Variants in PI4KA observed in about 807,000 individuals in gnomAD.
PI4KA encodes the protein PI4-kinase alpha.
Under a neutral mutation model 271.4 loss-of-function variants are expected in PI4KA, and 122 were observed. The observed-to-expected ratio is 0.45, with a 90% CI of 0.39 to 0.52. The LOEUF is 0.52. Among genes scored for constraint, PI4KA ranks in the 20% least tolerant of loss-of-function variants. The pLI is 0.00. For missense variants in PI4KA, 1,969 were observed against 2,769.1 expected (o/e 0.71, Z 6.48); for synonymous variants, 1,041 against 1,078.8 (o/e 0.96, Z 0.69).
intron 6 of PI4KA, among the ~76,000 whole-genome samples, 167 bp downstream of exon 6, chr22:20,819,474 C>T (rs1349982941): frequency 6.6e-6 from 1 of 151,928 alleles, no homozygotes; most frequent in Admixed American, 6.6e-5. Context: ...AGCCCTTCCC[C>T]CCAACATCTT....
intron 9 of PI4KA, among the ~76,000 whole-genome samples, chr22:20,810,750 T>A (rs1387085833): frequency 6.6e-6 from 1 of 152,016 alleles, no homozygotes; most frequent in Non-Finnish European, 1.5e-5. Context: ...ATGCCACCAG[T>A]CAGAGGCACC....
intron 1 of PI4KA, among the ~76,000 whole-genome samples, chr22:20,846,136 T>TG (rs1926209922): frequency 6.6e-6 from 1 of 150,416 alleles, no homozygotes; most frequent in African/African-American, 2.4e-5. Flanking sequence ...TGGTGGCGGG[T>TG]GCCTGTAGTC....
Position 20,710,009 on chromosome 22 carries a change from T to G in PI4KA, c.6084-12A>C, listed in dbSNP as rs371173329. The G allele has an allele frequency of 4.0e-5, 64 of 1,593,712 alleles. No homozygotes were observed. In the African/African-American group the frequency reaches 5.2e-4, roughly 13 times the overall value. ...CGTCCATGTAGGGCCTGGGGAGAGA[T>G]AGGAGGGAGCGGTGGGCTGAGGCCA... On this transcript the variant is annotated splice_polypyrimidine_tract_variant and intron_variant, in intron 52 of 54. Transcript: ENST00000255882.
Position 20,818,477 on chromosome 22 carries a change from G to A in PI4KA, c.856+6C>T. The A allele has an allele frequency of 6.3e-7, 1 of 1,578,900 alleles. No homozygotes were observed. On this transcript the variant is annotated splice_donor_region_variant and intron_variant, in intron 7 of 54. Transcript: ENST00000255882. ...TCAAAATATTCTTCGGAAAGGTGAAGCCCACCTTCAAAGTAGTGAAAGGCA... is the reference window on the plus strand; with the variant it reads ...TCAAAATATTCTTCGGAAAGGTGAAACCCACCTTCAAAGTAGTGAAAGGCA...
Position 20,813,302 on chromosome 22 carries a change from A to G in PI4KA, c.1005+56T>C, listed in dbSNP as rs545821230. On this transcript the variant is annotated intron_variant, in intron 8 of 54. Transcript: ENST00000255882. ...TTCTTTTAAAAATACAAGTTTCACCACTAGCAATTTTACTGACATATCCAT... is the reference window on the plus strand; with the variant it reads ...TTCTTTTAAAAATACAAGTTTCACCGCTAGCAATTTTACTGACATATCCAT... 64 of 1,337,800 alleles carry G rather than the reference A, an allele frequency of 4.8e-5. No individual in the cohort carries two copies. In the South Asian group the frequency reaches 7.4e-4, roughly 15 times the overall value. 82.9% of individuals were successfully genotyped at this position (1,337,800 alleles called of 1,614,324 possible).
At chr22:20,784,921 T>C (rs1934092249) in intron 19 of PI4KA, among the ~76,000 whole-genome samples, 1 of 152,100 alleles carries the variant, frequency 6.6e-6, no homozygotes, top group Non-Finnish European at 1.5e-5. Context: ...GCAACCAAAC[T>C]GAGAAAAGTA....
chr22:20,789,816 A>T (rs980258509), intron 19 of PI4KA, among the ~76,000 whole-genome samples: 4 of 152,196 alleles, frequency 2.6e-5, no homozygotes, highest in African/African-American at 7.2e-5. Context: ...ATGGACAGAG[A>T]GTGCACAGTT....
chr22:20,842,072 C>T (rs1388449517), intron 1 of PI4KA, among the ~76,000 whole-genome samples: 6 of 151,994 alleles, frequency 3.9e-5, no homozygotes, highest in Non-Finnish European at 5.9e-5. Flanking sequence ...AAAAATTAGC[C>T]GGGCATGGTG....
Position 20,837,117 on chromosome 22 carries a change from G to A in PI4KA, c.273+1498C>T, listed in dbSNP as rs187375716. Among the ~76,000 whole-genome samples the A allele has an allele frequency of 2.2e-3, 332 of 152,280 alleles. 1 individual carries two copies. The highest frequency in any genetic ancestry group is 7.9e-3 in the African/African-American group (330 of 41,542). On this transcript the variant is annotated intron_variant, in intron 2 of 54. Coordinates refer to ENST00000255882, the MANE Select transcript of PI4KA (RefSeq NM_058004.4). ...ATAAATAAACAGGCAAGCTGGGTAT[G>A]GTGGCACATGCCTGTAATCCCAGCA...
intron 45 of PI4KA, among the ~76,000 whole-genome samples, chr22:20,717,352 G>A (rs71312784): frequency 4.0e-5 from 5 of 125,478 alleles, no homozygotes; most frequent in African/African-American, 5.9e-5. Flanking sequence ...CACCTGAGCC[G>A]TCCCACACTG....
At chr22:20,784,490 T>C (rs1934050782) in intron 19 of PI4KA, among the ~76,000 whole-genome samples, 1 of 152,158 alleles carries the variant, frequency 6.6e-6, no homozygotes, top group Admixed American at 6.5e-5. Context: ...GCAGATGACT[T>C]AGAGACAGCT....
chr22:20,773,641 C>G (rs1269193027), intron 19 of PI4KA, among the ~76,000 whole-genome samples: 1 of 152,200 alleles, frequency 6.6e-6, no homozygotes, highest in African/African-American at 2.4e-5. Flanking sequence ...CCACCTTTCA[C>G]TGAGGAACGA....
chr22:20,803,171 G>C lies in PI4KA; in HGVS notation c.1591+20C>G, dbSNP rs773866084. ...AGAGCCCCTTTCTCAGGGCCTGAAGGGCACATAGTCTGTTATTACCTGTGT... is the reference window on the plus strand; with the variant it reads ...AGAGCCCCTTTCTCAGGGCCTGAAGCGCACATAGTCTGTTATTACCTGTGT... On this transcript the variant is annotated intron_variant, in intron 13 of 54. Coordinates refer to ENST00000255882, the MANE Select transcript of PI4KA (RefSeq NM_058004.4). 209 of 1,613,316 alleles carry C rather than the reference G, an allele frequency of 1.3e-4. No individual in the cohort carries two copies. In the South Asian group the frequency reaches 2.2e-3, roughly 17 times the overall value.
chr22:20,797,267 G>A (rs1230390328), intron 17 of PI4KA, among the ~76,000 whole-genome samples: 1 of 152,208 alleles, frequency 6.6e-6, no homozygotes, highest in Admixed American at 6.5e-5. Context: ...CTTTATGGAA[G>A]GAGAGGCAAG....
intron 36 of PI4KA, among the ~76,000 whole-genome samples, chr22:20,730,370 G>T (rs981179566): frequency 6.6e-6 from 1 of 152,042 alleles, no homozygotes; most frequent in African/African-American, 2.4e-5. Flanking sequence ...CGCCTCCTGG[G>T]TTCAAGTGAT....
At chr22:20,856,641 C>CCTGTTGGT (rs1314764363) in intron 1 of PI4KA, among the ~76,000 whole-genome samples, 2 of 152,054 alleles carry the variant, frequency 1.3e-5, no homozygotes, top group Non-Finnish European at 2.9e-5. Context: ...ACCATGTTGG[C>CCTGTTGGT]CAGGCTGGTC....
intron 28 of PI4KA, 139 bp from the exon 29 acceptor site, chr22:20,747,841 C>T: frequency 1.3e-6 from 1 of 764,966 alleles, no homozygotes; most frequent in African/African-American, 1.7e-5. Flanking sequence ...CTCAAGCCAT[C>T]CTCCCGCCTC....
At chr22:20,839,791 C>T (rs1324971992) in intron 1 of PI4KA, among the ~76,000 whole-genome samples, 7 of 151,826 alleles carry the variant, frequency 4.6e-5, no homozygotes, top group Non-Finnish European at 1.0e-4. Context: ...GATGGCACCA[C>T]TGCACTCTCC....
intron 1 of PI4KA, among the ~76,000 whole-genome samples, chr22:20,846,402 A>T (rs946080931): frequency 6.6e-6 from 1 of 151,570 alleles, no homozygotes; most frequent in Non-Finnish European, 1.5e-5. Context: ...AAAAAAAAAT[A>T]ATAAAGAAAA....
Sources: allele counts gnomAD v4.1 joint callset (sites outside exome capture counted in the v4.1 genomes callset), GRCh38; gene constraint gnomAD v4.1.1; transcripts MANE v1.5; gene names NCBI Gene and HGNC (gene_info 2026-07-23, HGNC 2026-07-21).